The following CECR2 variants were observed in gnomAD, a reference collection of about 807,000 sequenced individuals.
CECR2 encodes the protein CECR2 histone acetyl-lysine reader, also known as chromatin remodeling regulator CECR2.
A neutral mutation model predicts 154.5 loss-of-function variants in CECR2; 30 were observed. The observed-to-expected ratio is 0.19, with a 90% confidence interval of 0.15 to 0.26. The LOEUF (loss-of-function observed/expected upper bound fraction) is 0.26, where lower values mean the gene tolerates loss of function less well. CECR2 is among the 10% of genes least tolerant of loss of function. The pLI, the probability that CECR2 is intolerant of heterozygous loss-of-function variation, is 1.00. For synonymous variants in CECR2, 725 were observed against 683.7 expected, an observed-to-expected ratio of 1.06 and a Z score of -0.94; for missense variants, 1,743 against 1,829.3, an observed-to-expected ratio of 0.95 and a Z score of 0.86.
intron 1 of CECR2, among the ~76,000 whole-genome samples, chr22:17,360,679 A>G (rs993075358): frequency 1.0e-5 from 1 of 96,626 alleles, no homozygotes; most frequent in African/African-American, 6.0e-5. Flanking sequence ...TCCATCTCGG[A>G]AAAAAAAAAA....
intron 8 of CECR2, among the ~76,000 whole-genome samples, chr22:17,518,241 A>G (rs2056094391): frequency 6.6e-6 from 1 of 152,194 alleles, no homozygotes; most frequent in South Asian, 2.1e-4. Context: ...CGCTTTGCAT[A>G]CGGTGTGCAG....
At chr22:17,368,140 T>C (rs925447365), upstream of CECR2, among the ~76,000 whole-genome samples, 1 of 151,396 alleles carries the variant, frequency 6.6e-6, no homozygotes. Flanking sequence ...TTCTGAATGC[T>C]GCCTTAAAAA....
At chr22:17,445,692 G>A (rs2401120) in intron 1 of CECR2, among the ~76,000 whole-genome samples, 45,294 of 151,190 alleles carry the variant, frequency 0.3, 9,702 homozygotes, top group African/African-American at 0.58. Flanking sequence ...TCCCAGGTTC[G>A]GGCAGTTCTC....
chr22:17,519,906 T>C (rs2056126807), intron 8 of CECR2, among the ~76,000 whole-genome samples: 3 of 151,770 alleles, frequency 2.0e-5, no homozygotes, highest in Admixed American at 2.0e-4. Context: ...TTTTCCTGCC[T>C]CAGCCCCCCA....
chr22:17,463,550 G>T (rs2054977071), intron 1 of CECR2, among the ~76,000 whole-genome samples: 1 of 152,146 alleles, frequency 6.6e-6, no homozygotes, highest in Admixed American at 6.6e-5. Context: ...GAGAGAAAAA[G>T]GGAAGAGTCA....
intron 1 of CECR2, among the ~76,000 whole-genome samples, chr22:17,393,940 T>G (rs1053803019): frequency 2.7e-5 from 4 of 147,920 alleles, no homozygotes; most frequent in Non-Finnish European, 5.9e-5. Flanking sequence ...CAGGCTGGAG[T>G]GCAATGGCGC....
chr22:17,397,172 T>C (rs2053824084), intron 1 of CECR2, among the ~76,000 whole-genome samples: 1 of 152,148 alleles, frequency 6.6e-6, no homozygotes, highest in South Asian at 2.1e-4. Context: ...ATTCTGGCTC[T>C]GTCGCCCAGG....
At chr22:17,460,802 C>G (rs1037168187) in intron 1 of CECR2, among the ~76,000 whole-genome samples, 6 of 152,196 alleles carry the variant, frequency 3.9e-5, no homozygotes, top group African/African-American at 1.2e-4. Flanking sequence ...CTTTCTCTCC[C>G]ACAAAGTGAA....
chr22:17,544,517 A>AT (rs1480859612), intron 16 of CECR2, among the ~76,000 whole-genome samples: 25 of 145,532 alleles, frequency 1.7e-4, no homozygotes, highest in Non-Finnish European at 3.5e-4. Flanking sequence ...AAAAAAAAAA[A>AT]GTTAAAAAAT....
At chr22:17,470,970 T>C (rs918205896) in intron 1 of CECR2, among the ~76,000 whole-genome samples, 1 of 152,202 alleles carries the variant, frequency 6.6e-6, no homozygotes, top group African/African-American at 2.4e-5. Flanking sequence ...AGCAAGAGAA[T>C]GATGACTCCA....
intron 1 of CECR2, among the ~76,000 whole-genome samples, chr22:17,459,065 C>T (rs2054897064): frequency 6.6e-6 from 1 of 152,178 alleles, no homozygotes; most frequent in Non-Finnish European, 1.5e-5. Context: ...TTACCCTAAG[C>T]ACTTCTCTCC....
Position 17,375,632 on chromosome 22 carries a change from G to A in CECR2, c.126+5723G>A, listed in dbSNP as rs527374699. Among the ~76,000 whole-genome samples the A allele has an allele frequency of 3.4e-3, 523 of 152,256 alleles. 2 individuals are homozygous for A. Among genetic ancestry groups the A allele is most frequent in the Non-Finnish European group, 6.1e-3 (415 of 68,020 alleles). ...TAAAACAGGGTGATTAGTAGGGCCT[G>A]CCTGAGGAGGTGAGTGATTTAAAGT... On this transcript the variant is annotated intron_variant, in intron 1 of 18. Transcript: ENST00000262608.
rs1053990261 is a variant in CECR2 at position 17,479,794 on chromosome 22, G to A, written c.221+2112G>A. On this transcript the variant is annotated intron_variant, in intron 2 of 18. Transcript: ENST00000262608. ...TTTTTTTTTTTTTTTTTGGGACAGGGTCTTGCTGTTTCACCCAGGCTGGAG... is the reference window on the plus strand; with the variant it reads ...TTTTTTTTTTTTTTTTTGGGACAGGATCTTGCTGTTTCACCCAGGCTGGAG... Among the ~76,000 whole-genome samples, 5 of 143,684 alleles carry A rather than the reference G, an allele frequency of 3.5e-5. No homozygotes were observed. The East Asian group carries it at 1.0e-3, about 29-fold the overall frequency. 94.3% of individuals were successfully genotyped at this position (143,684 alleles called of 152,430 possible). A position where few individuals can be genotyped will look rare whatever the true frequency, so the allele number is the denominator to read the frequency against.
intron 1 of CECR2, among the ~76,000 whole-genome samples, chr22:17,466,742 G>A (rs545274037): frequency 1.3e-5 from 2 of 152,048 alleles, no homozygotes; most frequent in African/African-American, 2.4e-5. Context: ...TTACAGGCGC[G>A]TGCCACCATG....
chr22:17,545,442 T>TG (rs2147045106), intron 16 of CECR2, among the ~76,000 whole-genome samples: 1 of 130,994 alleles, frequency 7.6e-6, no homozygotes, highest in Non-Finnish European at 1.6e-5. Flanking sequence ...GGGGAGAAAA[T>TG]GGAAAAAAAA....
chr22:17,390,209 T>G (rs2063311717), intron 1 of CECR2, among the ~76,000 whole-genome samples: 1 of 152,194 alleles, frequency 6.6e-6, no homozygotes, highest in South Asian at 2.1e-4. Flanking sequence ...TTGACCTTTT[T>G]GGAAGACTAA....
At chr22:17,382,044 C>A (rs8140146) in intron 1 of CECR2, among the ~76,000 whole-genome samples, 1 of 149,778 alleles carries the variant, frequency 6.7e-6, no homozygotes, top group African/African-American at 2.5e-5. Flanking sequence ...CCTGCCACCA[C>A]GCCCTGCTAA....
At chr22:17,545,605 G>A (rs1381206013) in intron 16 of CECR2, among the ~76,000 whole-genome samples, 1 of 151,950 alleles carries the variant, frequency 6.6e-6, no homozygotes, top group East Asian at 1.9e-4. Flanking sequence ...AGCACTTTGG[G>A]AGGCCACAGT....
At chr22:17,448,809 G>A (rs765588745) in intron 1 of CECR2, among the ~76,000 whole-genome samples, 60 of 151,994 alleles carry the variant, frequency 3.9e-4, no homozygotes, top group Admixed American at 9.8e-4. Flanking sequence ...CCCAGATGCC[G>A]TCCTCCTAAT....
Sources: allele counts gnomAD v4.1 joint callset (sites outside exome capture counted in the v4.1 genomes callset), GRCh38; gene constraint gnomAD v4.1.1; transcripts MANE v1.5; gene names NCBI Gene and HGNC (gene_info 2026-07-23, HGNC 2026-07-21).